The following DOCK7 variants were observed in gnomAD, a reference collection of about 807,000 sequenced individuals.
DOCK7 encodes the protein dedicator of cytokinesis protein 7.
A neutral mutation model predicts 271.0 loss-of-function variants in DOCK7; 138 were observed. The observed-to-expected ratio is 0.51, with a 90% CI of 0.44 to 0.59. DOCK7 has a LOEUF of 0.59. DOCK7 is among the 20% of genes least tolerant of loss of function. DOCK7 has a pLI of 0.00. For synonymous variants in DOCK7, 823 were observed against 876.1 expected (o/e 0.94, Z 1.07); for missense variants, 2,066 against 2,592.4 (o/e 0.80, Z 4.41).
intron 14 of DOCK7, among the ~76,000 whole-genome samples, chr1:62,613,533 A>G (rs1345792253): frequency 6.6e-6 from 1 of 152,196 alleles, no homozygotes; most frequent in African/African-American, 2.4e-5. Flanking sequence ...CATCTTCAAA[A>G]GAATATTTTT....
chr1:62,534,736 A>T (rs919295067), intron 29 of DOCK7, among the ~76,000 whole-genome samples: 1 of 152,200 alleles, frequency 6.6e-6, no homozygotes, highest in Non-Finnish European at 1.5e-5. Flanking sequence ...AGTTTTTAAA[A>T]CCTAAAGATA....
At chr1:62,650,260 TC>T (rs1657167249) in intron 4 of DOCK7, among the ~76,000 whole-genome samples, 1 of 152,166 alleles carries the variant, frequency 6.6e-6, no homozygotes, top group Non-Finnish European at 1.5e-5. Context: ...GAATATAAAC[TC>T]CATGAGGGTA....
rs1347878304 is a variant in DOCK7 at position 62,688,291 on chromosome 1, C to T, written c.-27G>A. 8.1e-7 allele frequency: 1 copy of T among 1,237,832 alleles called. No individual in the cohort carries two copies. The highest frequency in any genetic ancestry group is 1.6e-5 in the African/African-American group (1 of 63,342). The allele number at this position is 1,237,832 out of a possible 1,614,324, so 76.7% of individuals were successfully genotyped here. A position where few individuals can be genotyped will look rare whatever the true frequency, so the allele number is the denominator to read the frequency against. On this transcript the variant is annotated 5_prime_UTR_variant, in exon 1 of 50. Transcript: ENST00000635253. The stretch of plus-strand genomic sequence containing the variant: ...GCTGCTGCGGCGACGGCGACGGCGG[C>T]GGCGGCTGCGGCGGGCCGGGTGCGG...
At chr1:62,650,373 G>A (rs1022694539) in intron 4 of DOCK7, among the ~76,000 whole-genome samples, 1 of 150,810 alleles carries the variant, frequency 6.6e-6, no homozygotes, top group African/African-American at 2.4e-5. Flanking sequence ...AATAAATGAA[G>A]TACTTTTGTG....
intron 15 of DOCK7, chr1:62,584,220 T>C: frequency 1.0e-6 from 1 of 983,000 alleles, no homozygotes; most frequent in Non-Finnish European, 1.2e-6. Flanking sequence ...AGCAGGCTCT[T>C]TTATTTTAAG....
chr1:62,476,128 T>G lies in DOCK7; in HGVS notation c.5663A>C (p.Asp1888Ala). Reference protein sequence around the residue: ...EGFYGERFGEDVVEVIKDSNP... With the variant: ...EGFYGERFGEAVVEVIKDSNP... ...AGAGTCTTTGATTACTTCAACCACA[T>G]CCTCTCCAAATCTTTCTCCGTAAAA... Residue 1888 changes from aspartate to alanine, a missense_variant, in exon 45 of 50, where the codon GAT (aspartate) becomes GCT (alanine). Transcript: ENST00000635253. 5 of 1,613,126 alleles carry G rather than the reference T, an allele frequency of 3.1e-6. No homozygotes were observed. The highest frequency in any genetic ancestry group is 4.2e-6 in the Non-Finnish European group (5 of 1,179,584).
In DOCK7 at chr1:62,680,861, C is replaced by T. The variant is rs561225376; in HGVS notation, c.38+7366G>A. Among the ~76,000 whole-genome samples the T allele has an allele frequency of 2.3e-4, 35 of 151,970 alleles. 1 individual carries two copies. In the East Asian group the frequency reaches 6.2e-3, roughly 27 times the overall value. ...CACCATCTCACACCAGTTAGAATGG[C>T]GATCATTAAAAAGTCAGGAAACAAC... On this transcript the variant is annotated intron_variant, in intron 1 of 49. Transcript: ENST00000635253.
At chr1:62,604,492 T>C (rs1013753239) in intron 14 of DOCK7, 29 of 979,574 alleles carry the variant, frequency 3.0e-5, no homozygotes, top group East Asian at 1.3e-4. Context: ...TTGGGACTTA[T>C]ACAGATTATT....
chr1:62,648,054 CA>C, intron 6 of DOCK7, 51 bp downstream of exon 6: 1 of 1,545,278 alleles, frequency 6.5e-7, no homozygotes, highest in South Asian at 1.1e-5. Context: ...ATCATAATCC[CA>C]AAAGATCAAT....
At chr1:62,487,000 ATAGAG>A (rs1646313719) in intron 43 of DOCK7, 1 of 155,562 alleles carries the variant, frequency 6.4e-6, no homozygotes, top group African/African-American at 2.4e-5. Flanking sequence ...ATCAGATGAA[ATAGAG>A]TATTTTTTAT....
intron 36 of DOCK7, 136 bp from the exon 37 acceptor site, chr1:62,504,918 G>T: frequency 9.4e-7 from 1 of 1,068,160 alleles, no homozygotes; most frequent in Non-Finnish European, 1.3e-6. Flanking sequence ...TTAGCTAATG[G>T]TTAATAGTGT....
At chr1:62,651,507 A>AGGG (rs35107877) in intron 4 of DOCK7, among the ~76,000 whole-genome samples, 1 of 143,260 alleles carries the variant, frequency 7.0e-6, no homozygotes, top group African/African-American at 2.5e-5. Context: ...GACCTCTGTA[A>AGGG]GGGGGGAGCC....
intron 7 of DOCK7, among the ~76,000 whole-genome samples, chr1:62,644,225 A>G (rs750779548): frequency 1.2e-4 from 18 of 152,196 alleles, no homozygotes; most frequent in Admixed American, 2.0e-4. Flanking sequence ...GAACCACTTT[A>G]AACTAAACTT....
rs1161204526 is a variant in DOCK7, at chr1:62,656,788, AGGGGTGGGAGGGCCGG to A, written c.145-2645_145-2630del. ...AACCCAGAATACACCAAGAAGCCCT[AGGGGTGGGAGGGCCGG>A]GGGGTGGGGAGCCTATTTTCCCCAG... On this transcript the variant is annotated intron_variant, in intron 2 of 49. Coordinates refer to ENST00000635253, the MANE Select transcript of DOCK7 (RefSeq NM_001367561.1). Among the ~76,000 whole-genome samples, 3 of 104,208 alleles carry A rather than the reference AGGGGTGGGAGGGCCGG, an allele frequency of 2.9e-5. 1 individual carries two copies. The Admixed American group carries it at 3.2e-4, about 11-fold the overall frequency. The allele number at this position is 104,208 out of a possible 152,430, so 68.4% of individuals were successfully genotyped here. A position where few individuals can be genotyped will look rare whatever the true frequency, so the allele number is the denominator to read the frequency against.
intron 14 of DOCK7, among the ~76,000 whole-genome samples, chr1:62,613,826 T>C (rs1386482719): frequency 6.6e-6 from 1 of 152,114 alleles, no homozygotes; most frequent in East Asian, 1.9e-4. Flanking sequence ...TATGGAAATA[T>C]TTTCTTAAAA....
chr1:62,529,223 C>T (rs1000331372), intron 30 of DOCK7, 54 bp downstream of exon 30: 1 of 1,444,022 alleles, frequency 6.9e-7, no homozygotes, highest in Non-Finnish European at 9.2e-7. Context: ...TATTTTCTAA[C>T]ACTTTTAAAC....
intron 14 of DOCK7, among the ~76,000 whole-genome samples, chr1:62,610,829 A>G (rs1327315262): frequency 6.6e-6 from 1 of 152,264 alleles, no homozygotes; most frequent in Non-Finnish European, 1.5e-5. Flanking sequence ...TCCATGGTGT[A>G]TATGTGCCAC....
intron 21 of DOCK7, 131 bp from the exon 22 acceptor site, chr1:62,553,032 C>CT (rs66892340): frequency 0.021 from 3,495 of 167,454 alleles, 78 homozygotes; most frequent in African/African-American, 0.046. Flanking sequence ...AAAAAATATA[C>CT]TTTTTTTTTT....
intron 18 of DOCK7, among the ~76,000 whole-genome samples, chr1:62,575,513 C>T (rs936268836): frequency 5.9e-5 from 9 of 152,110 alleles, no homozygotes; most frequent in African/African-American, 1.4e-4. Context: ...ATTTAACATA[C>T]GAAATACATG....
Sources: gnomAD v4.1 joint callset for allele counts (sites outside exome capture counted in the v4.1 genomes callset) on GRCh38, gnomAD v4.1.1 for gene constraint, MANE v1.5 for transcripts, NCBI Gene and HGNC (gene_info 2026-07-23, HGNC 2026-07-21) for gene names.